The following GPBP1 variants were observed in gnomAD, a reference collection of about 807,000 sequenced individuals.
GPBP1 encodes vasculin.
GPBP1 carries 13 observed loss-of-function variants against 56.5 expected under a neutral mutation model. That is an observed-to-expected ratio of 0.23 (90% CI 0.15 to 0.37). The LOEUF (loss-of-function observed/expected upper bound fraction) is 0.37. GPBP1 is among the 10% of genes least tolerant of loss of function. The probability of loss-of-function intolerance (pLI) is 1.00; values close to 1 mark genes in which losing one functional copy is unlikely to be tolerated. For missense variants in GPBP1, 477 were observed against 572.3 expected (o/e 0.83, Z 1.70); for synonymous variants, 204 against 188.9 (o/e 1.08, Z -0.66).
chr5:57,215,459 T>C (rs981345103), intron 3 of GPBP1, among the ~76,000 whole-genome samples: 23 of 152,224 alleles, frequency 1.5e-4, no homozygotes, highest in African/African-American at 5.5e-4. Flanking sequence ...CCCAGCTGAT[T>C]GCTCTATTGT....
chr5:57,179,514 T>A (rs758586491), intron 2 of GPBP1, among the ~76,000 whole-genome samples: 10 of 152,288 alleles, frequency 6.6e-5, no homozygotes, highest in Admixed American at 4.6e-4. Context: ...TGCCTGGCCT[T>A]GTATTTTTCT....
chr5:57,219,411 C>CAAAA (rs1561348407), intron 3 of GPBP1, among the ~76,000 whole-genome samples: 1 of 75,882 alleles, frequency 1.3e-5, no homozygotes, highest in Non-Finnish European at 2.4e-5. Context: ...AAACCAAAAA[C>CAAAA]AAACAAACAA....
intron 3 of GPBP1, among the ~76,000 whole-genome samples, chr5:57,229,967 C>CGTCCCGTCCCGTCCT (rs1289100662): frequency 6.6e-6 from 1 of 150,730 alleles, no homozygotes; most frequent in Non-Finnish European, 1.5e-5. Flanking sequence ...CGTCCCGTCC[C>CGTCCCGTCCCGTCCT]GTCCCTTCTC....
chr5:57,202,202 C>G (rs944233050), intron 2 of GPBP1, among the ~76,000 whole-genome samples: 3 of 152,124 alleles, frequency 2.0e-5, no homozygotes, highest in African/African-American at 7.2e-5. Context: ...CCAGGCTGGT[C>G]TCAAACTCCT....
At chr5:57,189,273 C>T (rs920583837) in intron 2 of GPBP1, among the ~76,000 whole-genome samples, 5 of 152,190 alleles carry the variant, frequency 3.3e-5, no homozygotes, top group Non-Finnish European at 7.3e-5. Context: ...TGCCTGCCAC[C>T]GTGCCCAGCT....
chr5:57,253,304 G>A (rs1486788993), intron 10 of GPBP1, among the ~76,000 whole-genome samples: 1 of 152,098 alleles, frequency 6.6e-6, no homozygotes, highest in Non-Finnish European at 1.5e-5. Context: ...TAATTGCTTT[G>A]TATAAACTGA....
Position 57,190,341 on chromosome 5 carries a change from T to C in GPBP1, c.-58+13941T>C, listed in dbSNP as rs527431723. Among the ~76,000 whole-genome samples the C allele has an allele frequency of 2.7e-3, 413 of 152,112 alleles. 1 individual carries two copies. The highest frequency in any genetic ancestry group is 9.6e-3 in the African/African-American group (397 of 41,524). ...GGCTCATACCTGTAATCCCAGCACT[T>C]TGGGAGGCCGAGGCAGGTGGATCAC... On this transcript the variant is annotated intron_variant, in intron 2 of 11. Transcript: ENST00000506184.
chr5:57,201,555 C>G (rs941589908), intron 2 of GPBP1, among the ~76,000 whole-genome samples: 2 of 152,156 alleles, frequency 1.3e-5, no homozygotes, highest in Non-Finnish European at 2.9e-5. Context: ...TAAGCCATCT[C>G]TAGGATTTTA....
In GPBP1 at chr5:57,230,920, A is replaced by C. The variant is rs570392144; in HGVS notation, c.138A>C (p.Arg46=). The C allele has an allele frequency of 1.2e-6, 2 of 1,612,596 alleles. No homozygotes were observed. The highest frequency in any genetic ancestry group is 1.7e-6 in the Non-Finnish European group (2 of 1,179,438). ...ATCGTTATGATGTGAACCGTCGACG[A>C]CACAACTCTTCAGATGGCTTTGATT... The part of the protein sequence containing the change: ...TENRYDVNRR[R]HNSSDGFDSA... Residue 46 remains arginine, a synonymous_variant, in exon 4 of 12, where the codon CGA becomes CGC. Transcript: ENST00000506184.
intron 2 of GPBP1, among the ~76,000 whole-genome samples, chr5:57,178,570 C>T (rs904812110): frequency 6.6e-6 from 1 of 152,160 alleles, no homozygotes; most frequent in Admixed American, 6.6e-5. Context: ...ATTGCCATTA[C>T]TGATATTGTT....
intron 11 of GPBP1, among the ~76,000 whole-genome samples, chr5:57,261,633 T>G (rs1317715671): frequency 6.6e-6 from 1 of 152,234 alleles, no homozygotes; most frequent in Non-Finnish European, 1.5e-5. Context: ...TATGGATTAG[T>G]CATTTTCCAG....
intron 2 of GPBP1, among the ~76,000 whole-genome samples, chr5:57,195,673 C>T (rs768736785): frequency 6.6e-6 from 1 of 151,906 alleles, no homozygotes; most frequent in African/African-American, 2.4e-5. Context: ...TCTTTAAGCC[C>T]GAAGGTTTTT....
At chr5:57,189,686 TA>T (rs1342636004) in intron 2 of GPBP1, among the ~76,000 whole-genome samples, 1 of 152,370 alleles carries the variant, frequency 6.6e-6, no homozygotes, top group South Asian at 2.1e-4. Flanking sequence ...TTATTGTGCT[TA>T]AAACCCTTTA....
chr5:57,190,720 T>C (rs1213384612), intron 2 of GPBP1, among the ~76,000 whole-genome samples: 2 of 137,172 alleles, frequency 1.5e-5, no homozygotes, highest in Non-Finnish European at 3.1e-5. Context: ...TTTTTTTTTT[T>C]TTCCTGAGAC....
intron 10 of GPBP1, among the ~76,000 whole-genome samples, chr5:57,253,661 T>A (rs187613499): frequency 6.6e-5 from 10 of 152,376 alleles, no homozygotes; most frequent in Admixed American, 5.2e-4. Context: ...CTACCTGTTA[T>A]GTAAATCTGT....
intron 10 of GPBP1, among the ~76,000 whole-genome samples, chr5:57,256,092 C>T (rs1424197268): frequency 6.6e-6 from 1 of 152,124 alleles, no homozygotes; most frequent in East Asian, 1.9e-4. Flanking sequence ...CCCATCTCTA[C>T]TAAAAATACA....
At chr5:57,197,089 AT>A (rs1754797677) in intron 2 of GPBP1, among the ~76,000 whole-genome samples, 1 of 151,854 alleles carries the variant, frequency 6.6e-6, no homozygotes, top group African/African-American at 2.4e-5. Flanking sequence ...CCTGTTTTGA[AT>A]TTTAGTAGAG....
At chr5:57,229,465 TA>T (rs1465268826) in intron 3 of GPBP1, among the ~76,000 whole-genome samples, 2 of 151,914 alleles carry the variant, frequency 1.3e-5, no homozygotes, top group African/African-American at 4.8e-5. Context: ...TGTATTGATT[TA>T]TAGAGCTCTA....
At chr5:57,207,341 A>G (rs752243918) in intron 2 of GPBP1, among the ~76,000 whole-genome samples, 56 of 152,042 alleles carry the variant, frequency 3.7e-4, no homozygotes, top group Non-Finnish European at 1.8e-4. Context: ...TCTTTTTTGA[A>G]ATAGTGAAAC....
Sources: allele counts gnomAD v4.1 joint callset (sites outside exome capture counted in the v4.1 genomes callset), GRCh38; gene constraint gnomAD v4.1.1; transcripts MANE v1.5; gene names NCBI Gene and HGNC (gene_info 2026-07-23, HGNC 2026-07-21).